CNTNAP5: variants seen among roughly 807,000 people sequenced by gnomAD.
CNTNAP5 encodes the protein contactin-associated protein-like 5.
A neutral mutation model predicts 150.2 loss-of-function variants in CNTNAP5; 72 were observed. The ratio of observed to expected loss-of-function variants is 0.48; its 90% CI spans 0.40 to 0.58. The LOEUF is 0.58. Among genes scored for constraint, CNTNAP5 ranks in the 20% least tolerant of loss-of-function variants. The pLI is 0.00. For missense variants in CNTNAP5, 1,636 were observed against 1,626.2 expected, an observed-to-expected ratio of 1.01 and a Z score of -0.10; for synonymous variants, 672 against 619.8, an observed-to-expected ratio of 1.08 and a Z score of -1.25.
intron 1 of CNTNAP5, among the ~76,000 whole-genome samples, chr2:124,218,094 T>C (rs190810326): frequency 1.2e-3 from 181 of 151,956 alleles, no homozygotes; most frequent in African/African-American, 4.2e-3. Flanking sequence ...TTTAAGAATC[T>C]GATACATATT....
chr2:124,828,891 GTTTCAGCCCACAGC>G (rs1399319855), intron 19 of CNTNAP5, among the ~76,000 whole-genome samples: 1 of 151,794 alleles, frequency 6.6e-6, no homozygotes, highest in African/African-American at 2.4e-5. Flanking sequence ...CTGACACAGT[GTTTCAGCCCACAGC>G]TTACATATGG....
At chr2:124,482,596 C>G (rs960118564) in intron 7 of CNTNAP5, among the ~76,000 whole-genome samples, 1 of 152,066 alleles carries the variant, frequency 6.6e-6, no homozygotes, top group Non-Finnish European at 1.5e-5. Flanking sequence ...TCAGAAATGG[C>G]CCCTGTGTGC....
At chr2:124,738,892 T>C (rs550856681) in intron 13 of CNTNAP5, among the ~76,000 whole-genome samples, 17 of 152,332 alleles carry the variant, frequency 1.1e-4, no homozygotes, top group African/African-American at 4.1e-4. Flanking sequence ...TTAACCTTAC[T>C]GGGATCCTTC....
intron 3 of CNTNAP5, among the ~76,000 whole-genome samples, chr2:124,324,185 A>G (rs1368946895): frequency 1.3e-5 from 2 of 152,206 alleles, no homozygotes; most frequent in Non-Finnish European, 2.9e-5. Context: ...CTAGGGAACC[A>G]CTGAATTGGT....
chr2:124,887,461 G>A (rs941512977), intron 21 of CNTNAP5, among the ~76,000 whole-genome samples: 4 of 152,020 alleles, frequency 2.6e-5, no homozygotes, highest in Non-Finnish European at 4.4e-5. Flanking sequence ...GATTCCCAGG[G>A]ATGTGGGATT....
intron 1 of CNTNAP5, among the ~76,000 whole-genome samples, chr2:124,051,592 G>A (rs538052812): frequency 1.3e-5 from 2 of 152,330 alleles, no homozygotes; most frequent in Admixed American, 6.5e-5. Flanking sequence ...ACGCTTTGTA[G>A]CAGAGAAGCA....
chr2:124,834,620 A>G (rs535999547), intron 19 of CNTNAP5, among the ~76,000 whole-genome samples: 148 of 152,218 alleles, frequency 9.7e-4, no homozygotes, highest in African/African-American at 3.4e-3. Flanking sequence ...GTAACAGGAC[A>G]GTGAGCTCTT....
rs867654046 is a variant in CNTNAP5, at chr2:124,813,032, T to C, written c.3217+14712T>C. Among the ~76,000 whole-genome samples, 108 of 152,284 alleles carry C rather than the reference T, an allele frequency of 7.1e-4. No individual in the cohort carries two copies. In the Middle Eastern group the frequency reaches 0.02, roughly 29 times the overall value. On this transcript the variant is annotated intron_variant, in intron 19 of 23. Transcript: ENST00000682447. ...CCTTGTCCTGAGCCTACCCTTTAAA[T>C]GTTGACTTTTTGTGTCAGCTCTGGG... is the stretch of plus-strand genomic sequence containing the variant.
At chr2:124,685,547 C>A (rs538791583) in intron 13 of CNTNAP5, among the ~76,000 whole-genome samples, 2 of 152,030 alleles carry the variant, frequency 1.3e-5, no homozygotes, top group Non-Finnish European at 2.9e-5. Flanking sequence ...ATTTTTACTG[C>A]CAACAAAAGC....
chr2:124,782,086 T>G lies in CNTNAP5; in HGVS notation c.2753-7816T>G, dbSNP rs188465225. 4.5e-4 allele frequency among the ~76,000 whole-genome samples: 69 copies of G among 152,288 alleles called. 1 individual carries two copies. The East Asian group carries it at 0.013, about 29-fold the overall frequency. On this transcript the variant is annotated intron_variant, in intron 17 of 23. Coordinates refer to ENST00000682447, the MANE Select transcript of CNTNAP5 (RefSeq NM_001367498.1). ...TCTTTTTTATAATACCTCCACTCTCTTAGAGTTTCTGAAGCCTGCAGTTTT... is the reference window on the plus strand; with the variant it reads ...TCTTTTTTATAATACCTCCACTCTCGTAGAGTTTCTGAAGCCTGCAGTTTT...
chr2:124,687,238 GTTC>G (rs1275972551), intron 13 of CNTNAP5, among the ~76,000 whole-genome samples: 6 of 151,846 alleles, frequency 4.0e-5, no homozygotes, highest in Admixed American at 2.0e-4. Context: ...TCCCACACAA[GTTC>G]TTCTGCTTGA....
At chr2:124,576,201 T>TA (rs1342253198) in intron 11 of CNTNAP5, among the ~76,000 whole-genome samples, 7 of 152,064 alleles carry the variant, frequency 4.6e-5, no homozygotes, top group African/African-American at 1.7e-4. Context: ...GAAAAGGAGA[T>TA]AAAATTTTCC....
chr2:124,575,445 A>G (rs1238126883), intron 11 of CNTNAP5, among the ~76,000 whole-genome samples: 1 of 152,184 alleles, frequency 6.6e-6, no homozygotes, highest in Non-Finnish European at 1.5e-5. Context: ...CTCTTGGGTC[A>G]CAAACCATTT....
intron 2 of CNTNAP5, among the ~76,000 whole-genome samples, chr2:124,224,521 TAC>T (rs950790185): frequency 1.3e-5 from 2 of 151,888 alleles, no homozygotes; most frequent in African/African-American, 4.8e-5. Context: ...TATATATATA[TAC>T]ACACACATAT....
chr2:124,065,082 G>A (rs561686344), intron 1 of CNTNAP5, among the ~76,000 whole-genome samples: 7 of 152,178 alleles, frequency 4.6e-5, no homozygotes, highest in Admixed American at 1.3e-4. Flanking sequence ...TAGTGGATAC[G>A]CCACATATAT....
chr2:124,557,024 A>T (rs1222386549), intron 10 of CNTNAP5, among the ~76,000 whole-genome samples: 2 of 152,126 alleles, frequency 1.3e-5, no homozygotes, highest in Non-Finnish European at 2.9e-5. Context: ...CAAAAAAAAA[A>T]AAAGCTCTAA....
intron 8 of CNTNAP5, among the ~76,000 whole-genome samples, chr2:124,507,573 A>C (rs913351578): frequency 2.6e-5 from 4 of 152,334 alleles, no homozygotes; most frequent in Admixed American, 2.0e-4. Context: ...AGGTGGTCTT[A>C]AAATGTAGGT....
intron 1 of CNTNAP5, among the ~76,000 whole-genome samples, chr2:124,096,745 C>T (rs1682942906): frequency 6.6e-6 from 1 of 151,826 alleles, no homozygotes; most frequent in Admixed American, 6.6e-5. Flanking sequence ...GCTCTGTCAC[C>T]CAGGCTAGAG....
chr2:124,801,095 T>A, intron 19 of CNTNAP5, among the ~76,000 whole-genome samples: 1 of 152,158 alleles, frequency 6.6e-6, no homozygotes, highest in African/African-American at 2.4e-5. Context: ...GTGGGAAAGA[T>A]ACCCTGATTT....
Sources: gnomAD v4.1 joint callset for allele counts (sites outside exome capture counted in the v4.1 genomes callset) on GRCh38, gnomAD v4.1.1 for gene constraint, MANE v1.5 for transcripts, NCBI Gene and HGNC (gene_info 2026-07-23, HGNC 2026-07-21) for gene names.